DZANK1: variants seen among roughly 807,000 people sequenced by gnomAD.
The protein encoded by DZANK1 is double zinc ribbon and ankyrin repeat-containing protein 1.
DZANK1 carries 91 observed loss-of-function variants against 94.5 expected under a neutral mutation model. The ratio of observed to expected loss-of-function variants is 0.96; its 90% CI spans 0.81 to 1.15. The LOEUF (loss-of-function observed/expected upper bound fraction) is 1.15, where lower values mean the gene tolerates loss of function less well. Among genes scored for constraint, DZANK1 ranks in the 50% most tolerant of loss-of-function variants. The pLI, the probability that DZANK1 is intolerant of heterozygous loss-of-function variation, is 0.00. For missense variants in DZANK1, 903 were observed against 916.4 expected (o/e 0.99, Z 0.19); for synonymous variants, 312 against 325.3 (o/e 0.96, Z 0.44).
At chr20:18,390,549 C>CCTGTCCTTGTGACTT in intron 17 of DZANK1, 90 bp from the exon 18 acceptor site, 2 of 1,269,308 alleles carry the variant, frequency 1.6e-6, no homozygotes, top group Non-Finnish European at 2.3e-6. Flanking sequence ...TTCTAAGTCA[C>CCTGTCCTTGTGACTT]AAGGACAGGT....
chr20:18,398,315 G>T, intron 14 of DZANK1: 2 of 548,852 alleles, frequency 3.6e-6, no homozygotes, highest in East Asian at 2.9e-5. Flanking sequence ...CTTAGGTCAG[G>T]TGCCCCAGAA....
rs16979158 is a variant in DZANK1, at chr20:18,434,910, C to T, written c.748-1145G>A. 2.4e-3 allele frequency among the ~76,000 whole-genome samples: 365 copies of T among 152,212 alleles called. 5 individuals are homozygous for T. Among genetic ancestry groups the T allele is most frequent in the Admixed American group, 0.02 (305 of 15,282 alleles). On this transcript the variant is annotated intron_variant, in intron 8 of 20. Coordinates refer to ENST00000262547, the Ensembl canonical transcript of DZANK1. ...AGATAATGAGCCTGTTTGGGGTAATCGATGCACTGACTGGCAAACTGGCCA... is the reference window on the plus strand; with the variant it reads ...AGATAATGAGCCTGTTTGGGGTAATTGATGCACTGACTGGCAAACTGGCCA...
chr20:18,428,833 G>A (rs2058168113), intron 9 of DZANK1: 2 of 152,188 alleles, frequency 1.3e-5, no homozygotes, highest in African/African-American at 4.8e-5. Flanking sequence ...GCTCTATGGA[G>A]TCTCAGCCTT....
At chr20:18,427,271 C>G in intron 9 of DZANK1, 112 bp from the exon 10 acceptor site, 1 of 670,722 alleles carries the variant, frequency 1.5e-6, no homozygotes, top group Non-Finnish European at 2.5e-6. Context: ...ATTACTGCAC[C>G]CAGGCCCTGA....
intron 8 of DZANK1, among the ~76,000 whole-genome samples, chr20:18,440,375 C>T (rs1171723454): frequency 6.6e-6 from 1 of 152,188 alleles, no homozygotes; most frequent in South Asian, 2.1e-4. Flanking sequence ...ACACATTAAA[C>T]CCAGAATCTC....
intron 17 of DZANK1, among the ~76,000 whole-genome samples, chr20:18,392,889 A>T (rs1568876398): frequency 6.6e-6 from 1 of 152,200 alleles, no homozygotes; most frequent in African/African-American, 2.4e-5. Flanking sequence ...AGCTTAAATT[A>T]ATCCATATGG....
rs777778465 is a variant in DZANK1 at position 18,396,503 on chromosome 20, A to T, written c.1580T>A (p.Ile527Asn). 2.0e-5 allele frequency: 33 copies of T among 1,613,602 alleles called. No homozygotes were observed. The highest frequency in any genetic ancestry group is 2.7e-5 in the Non-Finnish European group (32 of 1,179,728). Residue 527 changes from isoleucine (I) to asparagine (N), a missense_variant, in exon 15 of 21, where the codon ATC (isoleucine) becomes AAC (asparagine). Ile to Asn is a moderately radical substitution (Grantham distance 149). Coordinates refer to ENST00000262547, the Ensembl canonical transcript of DZANK1. ...TGAGACTTGACTATAATTCAGTCTG[A>T]TGCTAACTTCACAACCATCTTCGTG... is the stretch of plus-strand genomic sequence containing the variant.
intron 16 of DZANK1, 57 bp from the exon 17 acceptor site, chr20:18,393,868 A>C: frequency 8.7e-7 from 1 of 1,155,590 alleles, no homozygotes; most frequent in Non-Finnish European, 1.3e-6. Flanking sequence ...CCCCACACAA[A>C]CAGTTATTTC....
intron 10 of DZANK1, among the ~76,000 whole-genome samples, chr20:18,419,200 T>C (rs1449391401): frequency 6.7e-6 from 1 of 149,918 alleles, no homozygotes; most frequent in South Asian, 2.1e-4. Context: ...AGGCGGAGGT[T>C]GCAGTGAGCT....
At chr20:18,459,220 C>A (rs2059391988) in intron 3 of DZANK1, among the ~76,000 whole-genome samples, 1 of 152,156 alleles carries the variant, frequency 6.6e-6, no homozygotes, top group Non-Finnish European at 1.5e-5. Context: ...GCAAGTGTGA[C>A]AACATTTTAT....
rs2058378703 is a variant in DZANK1, at chr20:18,433,632, A to G, written c.861+20T>C. ...TACTATGTATTTCATTCATGTTTTTACAGAATCACATTTCATTACCTTCAA... is the reference window on the plus strand; with the variant it reads ...TACTATGTATTTCATTCATGTTTTTGCAGAATCACATTTCATTACCTTCAA... On this transcript the variant is annotated intron_variant, in intron 9 of 20. Transcript: ENST00000262547. The G allele has an allele frequency of 6.2e-7, 1 of 1,605,182 alleles. No individual in the cohort carries two copies. The highest frequency in any genetic ancestry group is 1.7e-5 in the Admixed American group (1 of 59,988).
At chr20:18,410,361 A>G (rs1310321394) in intron 13 of DZANK1, among the ~76,000 whole-genome samples, 1 of 152,202 alleles carries the variant, frequency 6.6e-6, no homozygotes, top group East Asian at 1.9e-4. Context: ...AACTTGAAGT[A>G]TAGTCTGTTA....
intron 10 of DZANK1, among the ~76,000 whole-genome samples, chr20:18,417,034 C>CAAAAAAAAAAAAAA (rs55889297): frequency 3.6e-5 from 5 of 139,922 alleles, no homozygotes; most frequent in African/African-American, 5.3e-5. Flanking sequence ...CAAAAAAAAA[C>CAAAAAAAAAAAAAA]AAAAAAAAAA....
At position 18,415,551 on chromosome 20, in the gene DZANK1, G is replaced by A. The variant is rs946335120; in HGVS notation, c.955-102C>T. ...AAAATTCCCAGACAAGATGAGCCCC[G>A]GAAATAGTGTTTTTTTTGTTTTGTT... On this transcript the variant is annotated intron_variant, in intron 10 of 20. Transcript: ENST00000262547. The A allele has an allele frequency of 3.6e-5, 45 of 1,238,240 alleles. No homozygotes were observed. In the Middle Eastern group the frequency reaches 9.1e-4, roughly 25 times the overall value. The allele number at this position is 1,238,240 out of a possible 1,614,324, so 76.7% of individuals were successfully genotyped here. A position where few individuals can be genotyped will look rare whatever the true frequency, so the allele number is the denominator to read the frequency against.
At chr20:18,404,293 A>G (rs1385578095) in intron 13 of DZANK1, among the ~76,000 whole-genome samples, 1 of 152,166 alleles carries the variant, frequency 6.6e-6, no homozygotes, top group East Asian at 1.9e-4. Context: ...GCCCCAGGTC[A>G]TGGTTGAAAA....
intron 12 of DZANK1, 150 bp downstream of exon 12, chr20:18,414,198 T>C (rs2057381989): frequency 2.3e-6 from 2 of 872,026 alleles, no homozygotes; most frequent in Non-Finnish European, 3.4e-6. Flanking sequence ...CTAAATTGAC[T>C]GCATTTATTT....
chr20:18,393,408 C>T (rs1159339500), intron 17 of DZANK1, among the ~76,000 whole-genome samples: 2 of 152,194 alleles, frequency 1.3e-5, no homozygotes, highest in South Asian at 2.1e-4. Context: ...CTTCATTTGT[C>T]AAACGACCAG....
chr20:18,419,249 G>A (rs1441841311), intron 10 of DZANK1, among the ~76,000 whole-genome samples: 10 of 144,250 alleles, frequency 6.9e-5, no homozygotes, highest in South Asian at 2.2e-4. Flanking sequence ...ATGACAGAGC[G>A]AGACTCCATC....
At chr20:18,410,094 A>G (rs1321905915) in intron 13 of DZANK1, among the ~76,000 whole-genome samples, 1 of 151,986 alleles carries the variant, frequency 6.6e-6, no homozygotes, top group African/African-American at 2.4e-5. Flanking sequence ...GGCTTAGGAA[A>G]TAATCCAAAG....
Sources: allele counts gnomAD v4.1 joint callset (sites outside exome capture counted in the v4.1 genomes callset), GRCh38; gene constraint gnomAD v4.1.1; transcripts MANE v1.5; gene names NCBI Gene and HGNC (gene_info 2026-07-23, HGNC 2026-07-21).